CNKSR2: variants seen among roughly 807,000 people sequenced by gnomAD.
CNKSR2 encodes the protein CNK homolog protein 2.
A neutral mutation model predicts 84.4 loss-of-function variants in CNKSR2; 14 were observed. The ratio of observed to expected loss-of-function variants is 0.17; its 90% CI spans 0.11 to 0.26. The LOEUF (loss-of-function observed/expected upper bound fraction) is 0.26. CNKSR2 is among the 10% of genes least tolerant of loss of function. The pLI, the probability that CNKSR2 is intolerant of heterozygous loss-of-function variation, is 1.00. For missense variants in CNKSR2, 485 were observed against 771.2 expected, an observed-to-expected ratio of 0.63 and a Z score of 4.40; for synonymous variants, 275 against 277.9, an observed-to-expected ratio of 0.99 and a Z score of 0.10.
At chrX:21,569,652 A>G (rs192034412) in intron 13 of CNKSR2, among the ~76,000 whole-genome samples, 28 of 112,499 alleles carry the variant, frequency 2.5e-4, no homozygotes, top group Non-Finnish European at 4.7e-4. Flanking sequence ...TCTTTCGACA[A>G]GGTTTTCAAT....
chrX:21,418,904 G>C, intron 1 of CNKSR2, among the ~76,000 whole-genome samples: 1 of 110,160 alleles, frequency 9.1e-6, no homozygotes, highest in African/African-American at 3.3e-5. Flanking sequence ...TCTGCTTGCT[G>C]TTCTATAACC....
chrX:21,416,445 G>A (rs1307667055), intron 1 of CNKSR2, among the ~76,000 whole-genome samples: 2 of 110,999 alleles, frequency 1.8e-5, no homozygotes, highest in East Asian at 5.7e-4. Context: ...GGTAATACTT[G>A]CCTCATGTAA....
At chrX:21,470,390 A>G (rs192522359) in intron 4 of CNKSR2, among the ~76,000 whole-genome samples, 3 of 111,872 alleles carry the variant, frequency 2.7e-5, no homozygotes, top group Non-Finnish European at 5.6e-5. Context: ...TCTATAATAA[A>G]TTAGTATTTG....
chrX:21,478,858 T>C (rs139030796), intron 5 of CNKSR2, among the ~76,000 whole-genome samples: 67 of 111,783 alleles, frequency 6.0e-4, no homozygotes, highest in Non-Finnish European at 8.1e-4. Context: ...AAGCGATAAA[T>C]TGAAGAACTG....
At chrX:21,415,717 A>G (rs1158350815) in intron 1 of CNKSR2, among the ~76,000 whole-genome samples, 1 of 105,891 alleles carries the variant, frequency 9.4e-6, no homozygotes, top group African/African-American at 3.4e-5. Context: ...GCACACCAAC[A>G]TGGCACATGT....
At chrX:21,378,898 T>A (rs893473298) in intron 1 of CNKSR2, among the ~76,000 whole-genome samples, 2 of 112,049 alleles carry the variant, frequency 1.8e-5, no homozygotes, top group South Asian at 7.3e-4. Context: ...ATAATCTAAA[T>A]TTTTAAGATA....
At chrX:21,387,199 G>A (rs192377701) in intron 1 of CNKSR2, among the ~76,000 whole-genome samples, 98 of 112,030 alleles carry the variant, frequency 8.7e-4, no homozygotes, top group African/African-American at 2.9e-3. Context: ...ATACAGCAGC[G>A]GGCTGGATGT....
intron 13 of CNKSR2, among the ~76,000 whole-genome samples, chrX:21,579,031 G>T (rs1314915479): frequency 1.8e-5 from 2 of 112,057 alleles, no homozygotes; most frequent in Middle Eastern, 4.6e-3. Flanking sequence ...TCCGATTGGA[G>T]CTGAAGGAGT....
chrX:21,633,837 C>T (rs900481151), intron 20 of CNKSR2, among the ~76,000 whole-genome samples: 1 of 111,907 alleles, frequency 8.9e-6, no homozygotes, highest in African/African-American at 3.2e-5. Flanking sequence ...TACAATAGGG[C>T]ATTTTTAAAA....
At chrX:21,513,206 A>G (rs987443667) in intron 8 of CNKSR2, among the ~76,000 whole-genome samples, 1 of 111,640 alleles carries the variant, frequency 9.0e-6, no homozygotes, top group South Asian at 3.7e-4. Context: ...TGTTGGTGAA[A>G]GCTCTTAAAA....
chrX:21,542,891 A>G (rs1409553845), intron 11 of CNKSR2, among the ~76,000 whole-genome samples: 1 of 112,585 alleles, frequency 8.9e-6, no homozygotes, highest in Non-Finnish European at 1.9e-5. Flanking sequence ...TAAAGCTGAT[A>G]TTTTAGAAAT....
intron 4 of CNKSR2, among the ~76,000 whole-genome samples, chrX:21,449,235 C>T (rs1310203937): frequency 2.1e-5 from 2 of 94,340 alleles, no homozygotes; most frequent in Non-Finnish European, 4.1e-5. Flanking sequence ...ACCCAGGAGG[C>T]GGAGGTTGCA....
chrX:21,589,467 C>T (rs1003082430), intron 13 of CNKSR2, among the ~76,000 whole-genome samples: 3 of 111,998 alleles, frequency 2.7e-5, no homozygotes, highest in African/African-American at 9.7e-5. Context: ...GAATCTGTAA[C>T]CTGATTTTCA....
intron 11 of CNKSR2, among the ~76,000 whole-genome samples, chrX:21,554,922 A>G (rs771392656): frequency 8.1e-5 from 9 of 110,992 alleles, no homozygotes; most frequent in Non-Finnish European, 1.3e-4. Flanking sequence ...GTCTTCCACA[A>G]TGGCTGAACC....
intron 13 of CNKSR2, among the ~76,000 whole-genome samples, chrX:21,577,909 T>C (rs942179890): frequency 2.7e-5 from 3 of 111,549 alleles, no homozygotes; most frequent in African/African-American, 9.8e-5. Flanking sequence ...AAGTTTCCTC[T>C]TAATAAATGA....
At chrX:21,386,678 A>G in intron 1 of CNKSR2, among the ~76,000 whole-genome samples, 1 of 112,514 alleles carries the variant, frequency 8.9e-6, no homozygotes, top group Non-Finnish European at 1.9e-5. Flanking sequence ...AGAAAGAGTT[A>G]AGGTGAGTTT....
Position 21,531,107 on chromosome X carries a change from G to T in CNKSR2, c.1092-749G>T, listed in dbSNP as rs765999715. Reference sequence around the variant, plus strand: ...TTTACTCTTAAATGAGATACGTAGAGTTTGAATACTGAGAATAATTCTTTT... The same window carrying T: ...TTTACTCTTAAATGAGATACGTAGATTTTGAATACTGAGAATAATTCTTTT... On this transcript the variant is annotated intron_variant, in intron 10 of 21. Transcript: ENST00000379510. Among the ~76,000 whole-genome samples the T allele has an allele frequency of 3.6e-5, 4 of 111,094 alleles. No individual in the cohort carries two copies. In the East Asian group the frequency reaches 1.1e-3, roughly 31 times the overall value.
chrX:21,473,896 A>G (rs1177782659), intron 5 of CNKSR2, among the ~76,000 whole-genome samples: 2 of 105,878 alleles, frequency 1.9e-5, no homozygotes, highest in African/African-American at 7.0e-5. Flanking sequence ...ACAGGTGCCC[A>G]CCACCACGCC....
At chrX:21,581,770 T>C (rs61582423) in intron 13 of CNKSR2, among the ~76,000 whole-genome samples, 3,458 of 112,121 alleles carry the variant, frequency 0.031, 131 homozygotes, top group African/African-American at 0.11. Flanking sequence ...CATCCTGTGC[T>C]AGGAGCTGAG....
Sources: allele counts gnomAD v4.1 joint callset (sites outside exome capture counted in the v4.1 genomes callset), GRCh38; gene constraint gnomAD v4.1.1; transcripts MANE v1.5; gene names NCBI Gene and HGNC (gene_info 2026-07-23, HGNC 2026-07-21).